Variants in ARHGEF4 observed in about 807,000 individuals in gnomAD.
ARHGEF4 encodes Rho guanine nucleotide exchange factor 4, also known as APC-stimulated guanine nucleotide exchange factor 1.
Under a neutral mutation model 162.0 loss-of-function variants are expected in ARHGEF4, and 119 were observed. The ratio of observed to expected loss-of-function variants is 0.73; its 90% CI spans 0.63 to 0.86. ARHGEF4 has a LOEUF of 0.86. ARHGEF4 is among the 40% of genes least tolerant of loss of function. The probability of loss-of-function intolerance (pLI) is 0.00; values close to 1 mark genes in which losing one functional copy is unlikely to be tolerated. For synonymous variants in ARHGEF4, 1,014 were observed against 979.9 expected (o/e 1.03, Z -0.65); for missense variants, 2,488 against 2,456.0 (o/e 1.01, Z -0.28).
In ARHGEF4 at chr2:130,917,099, C is replaced by T. The variant is rs112404508; in HGVS notation, c.3153C>T (p.Ser1051=). ...CTTCAGGTATCTTTCCGGAAAAGTC[C>T]TGGCTGGCGTCCCCCGGCAGCCCTC... ...YLPSGIFPEK[S]WLASPGSPRA... is the part of the protein sequence containing the mutation. The change falls in exon 2 of 14, where the codon TCC becomes TCT. Residue 1051 remains serine (S), a synonymous_variant. Transcript: ENST00000409359. 7.7e-6 allele frequency: 12 copies of T among 1,550,504 alleles called. No homozygotes were observed. In the East Asian group the frequency reaches 2.7e-4, roughly 35 times the overall value.
intron 1 of ARHGEF4, among the ~76,000 whole-genome samples, chr2:130,891,403 A>G (rs1679855501): frequency 6.6e-6 from 1 of 152,196 alleles, no homozygotes; most frequent in Non-Finnish European, 1.5e-5. Context: ...AGGTTGGCAA[A>G]CTTCGGTGAA....
intron 3 of ARHGEF4, among the ~76,000 whole-genome samples, chr2:130,933,850 A>G (rs1288126190): frequency 6.6e-6 from 1 of 152,218 alleles, no homozygotes; most frequent in African/African-American, 2.4e-5. Flanking sequence ...ATTTCTATGT[A>G]TAAGATTACA....
chr2:130,855,165 G>T (rs563364323), intron 1 of ARHGEF4, among the ~76,000 whole-genome samples: 1 of 151,904 alleles, frequency 6.6e-6, no homozygotes, highest in East Asian at 1.9e-4. Context: ...GTGAGCTACC[G>T]CGCCCGGCCG....
rs143637928 is a variant in ARHGEF4 at position 130,928,675 on chromosome 2, G to A, written c.3553-2277G>A. On this transcript the variant is annotated intron_variant, in intron 2 of 13. Transcript: ENST00000409359. ...TGCATTTCTTTAGATAGCTTCCTGT[G>A]CTCTGCAGCACCATCTACCCCTCCT... 7.5e-4 allele frequency among the ~76,000 whole-genome samples: 114 copies of A among 152,240 alleles called. No homozygotes were observed. The East Asian group carries it at 0.017, about 23-fold the overall frequency.
chr2:130,944,771 C>T (rs1683505322), intron 3 of ARHGEF4, among the ~76,000 whole-genome samples: 1 of 151,994 alleles, frequency 6.6e-6, no homozygotes, highest in South Asian at 2.1e-4. Flanking sequence ...CTATCTTTTC[C>T]CTTAAAAGTT....
chr2:130,972,394 T>C (rs139948561), intron 4 of ARHGEF4, among the ~76,000 whole-genome samples: 3 of 152,324 alleles, frequency 2.0e-5, no homozygotes, highest in East Asian at 3.9e-4. Context: ...ATATCAGCAA[T>C]GCTCCTAATA....
At chr2:130,896,291 G>T (rs1369803617) in intron 1 of ARHGEF4, among the ~76,000 whole-genome samples, 1 of 152,146 alleles carries the variant, frequency 6.6e-6, no homozygotes, top group Non-Finnish European at 1.5e-5. Flanking sequence ...AAGTACTTAT[G>T]TTGTCTTGGA....
chr2:130,916,917 CG>C lies in ARHGEF4; in HGVS notation c.2974del (p.Ala992ArgfsTer26). ...PAETDSHCEERAEDKEGYVFS... is the reference protein window; with the variant it reads ...PAETDSHCEEXAEDKEGYVFS... ...AGAGACCGACAGCCACTGTGAGGAA[CG>C]GGCGGAGGACAAAGAGGGCTATGTT... is the stretch of plus-strand genomic sequence containing the variant. On this transcript the variant is annotated frameshift_variant, in exon 2 of 14. Coordinates refer to ENST00000409359, the MANE Select transcript of ARHGEF4 (RefSeq NM_001367493.1). LOFTEE classifies it high-confidence loss of function. 1 of 1,550,618 alleles carries C rather than the reference CG, an allele frequency of 6.4e-7. No individual in the cohort carries two copies. Among genetic ancestry groups the C allele is most frequent in the Non-Finnish European group, 8.7e-7 (1 of 1,147,022 alleles).
intron 1 of ARHGEF4, among the ~76,000 whole-genome samples, chr2:130,893,874 C>G (rs1186431749): frequency 6.6e-6 from 1 of 152,230 alleles, no homozygotes; most frequent in Non-Finnish European, 1.5e-5. Flanking sequence ...TCTAAGATGG[C>G]AGGCTGGTCT....
intron 1 of ARHGEF4, 109 bp downstream of exon 1, chr2:130,837,101 C>CG (rs1330289881): frequency 1.9e-6 from 2 of 1,054,248 alleles, no homozygotes; most frequent in Non-Finnish European, 2.4e-6. Context: ...CCTGGGCACC[C>CG]GGTGGGTGGG....
rs78114438 is a variant in ARHGEF4 at position 130,856,389 on chromosome 2, A to C, written c.39+19397A>C. Among the ~76,000 whole-genome samples, 843 of 152,320 alleles carry C rather than the reference A, an allele frequency of 5.5e-3. 6 individuals carry two copies. Among genetic ancestry groups the C allele is most frequent in the African/African-American group, 0.018 (746 of 41,574 alleles). ...ATTAAGTGCACCAACATATATGGGG[A>C]TAAAAGGAGAGGAGAAGGTAGAATA... On this transcript the variant is annotated intron_variant, in intron 1 of 13. Transcript: ENST00000409359.
intron 1 of ARHGEF4, among the ~76,000 whole-genome samples, chr2:130,869,367 G>A (rs765622276): frequency 1.6e-4 from 25 of 152,188 alleles, no homozygotes; most frequent in Non-Finnish European, 7.4e-5. Context: ...TGTGGAATGG[G>A]TGAGGGAGGA....
At chr2:130,963,015 C>G (rs1684725906) in intron 4 of ARHGEF4, among the ~76,000 whole-genome samples, 1 of 152,178 alleles carries the variant, frequency 6.6e-6, no homozygotes, top group Admixed American at 6.5e-5. Flanking sequence ...CTGTGTGTGT[C>G]TGGGAGGGGC....
In ARHGEF4 at chr2:130,915,007, A is replaced by C; in HGVS notation, c.1061A>C (p.Gln354Pro). ...GAGTGCCCCGAGGATCCCGTGGGAC[A>C]GAATGTTGTGAAGTCTGGGACCCAT... The part of the protein sequence containing the change: ...SPECPEDPVG[Q>P]NVVKSGTHVK... The change falls in exon 2 of 14, where the codon CAG (glutamine) becomes CCG (proline). Residue 354 changes from glutamine to proline, a missense_variant. Gln to Pro is a moderately conservative substitution (Grantham distance 76, BLOSUM62 -1). Coordinates refer to ENST00000409359, the MANE Select transcript of ARHGEF4 (RefSeq NM_001367493.1). 1.3e-6 allele frequency: 2 copies of C among 1,550,650 alleles called. No individual in the cohort carries two copies. Among genetic ancestry groups the C allele is most frequent in the Non-Finnish European group, 1.7e-6 (2 of 1,147,012 alleles).
At chr2:131,012,739 C>G (rs535266299) in intron 4 of ARHGEF4, among the ~76,000 whole-genome samples, 153 of 152,252 alleles carry the variant, frequency 1.0e-3, no homozygotes, top group African/African-American at 3.4e-3. Flanking sequence ...TGCCAGCAAC[C>G]CCAGCCAGTT....
intron 4 of ARHGEF4, among the ~76,000 whole-genome samples, chr2:130,960,352 GT>G (rs1157921603): frequency 6.6e-6 from 1 of 152,058 alleles, no homozygotes; most frequent in African/African-American, 2.4e-5. Flanking sequence ...GTTTTGATTT[GT>G]TTAGATATAA....
In ARHGEF4 at chr2:130,916,208, C is replaced by T; in HGVS notation, c.2262C>T (p.Ala754=). The change falls in exon 2 of 14, where the codon GCC becomes GCT. Residue 754 remains alanine, a synonymous_variant. Transcript: ENST00000409359. ...SGSGERGPEE[A]PEGGAAAARG... The stretch of plus-strand genomic sequence containing the variant: ...CAGGGGAGCGTGGCCCGGAGGAGGC[C>T]CCCGAAGGCGGTGCTGCAGCAGCCC... The T allele has an allele frequency of 6.5e-7, 1 of 1,546,588 alleles. No homozygotes were observed.
intron 2 of ARHGEF4, among the ~76,000 whole-genome samples, 162 bp downstream of exon 2, chr2:130,917,660 G>A (rs1038647428): frequency 2.0e-5 from 3 of 151,754 alleles, no homozygotes; most frequent in Admixed American, 6.6e-5. Flanking sequence ...TGAACACAGC[G>A]GGTGACCAAC....
chr2:130,924,718 AG>A (rs1350842036), intron 2 of ARHGEF4, among the ~76,000 whole-genome samples: 1 of 152,204 alleles, frequency 6.6e-6, no homozygotes, highest in Non-Finnish European at 1.5e-5. Flanking sequence ...GGAGGGGCTT[AG>A]GAAGGACACC....
Sources: gnomAD v4.1 joint callset for allele counts (sites outside exome capture counted in the v4.1 genomes callset) on GRCh38, gnomAD v4.1.1 for gene constraint, MANE v1.5 for transcripts, NCBI Gene and HGNC (gene_info 2026-07-23, HGNC 2026-07-21) for gene names.